The following COL11A1 variants were observed in gnomAD, a reference collection of about 807,000 sequenced individuals.
The protein encoded by COL11A1 is collagen alpha-1(XI) chain.
COL11A1 carries 74 observed loss-of-function variants against 265.2 expected under a neutral mutation model. That is an observed-to-expected ratio of 0.28 (90% CI 0.23 to 0.34). The LOEUF (loss-of-function observed/expected upper bound fraction) is 0.34, where lower values mean the gene tolerates loss of function less well. Ranked by LOEUF, COL11A1 falls within the 10% of genes least tolerant of loss-of-function variation. The pLI is 1.00. For synonymous variants in COL11A1, 816 were observed against 727.6 expected (o/e 1.12, Z -1.96); for missense variants, 2,165 against 2,263.6 (o/e 0.96, Z 0.88).
At chr1:103,046,124 G>A (rs1185494329) in intron 4 of COL11A1, among the ~76,000 whole-genome samples, 4 of 151,262 alleles carry the variant, frequency 2.6e-5, no homozygotes, top group Non-Finnish European at 1.5e-5. Context: ...AATCCTTTAG[G>A]TATACACCCA....
At chr1:103,074,424 C>T (rs1463550789) in intron 4 of COL11A1, among the ~76,000 whole-genome samples, 194 bp downstream of exon 4, 1 of 152,090 alleles carries the variant, frequency 6.6e-6, no homozygotes, top group African/African-American at 2.4e-5. Context: ...GCGTTACGGT[C>T]ACCATTGTCT....
At chr1:103,010,791 C>A (rs1666051795) in intron 14 of COL11A1, among the ~76,000 whole-genome samples, 2 of 151,768 alleles carry the variant, frequency 1.3e-5, no homozygotes, top group African/African-American at 4.8e-5. Context: ...ACCTCCACAT[C>A]CCGGGTTCAA....
intron 54 of COL11A1, among the ~76,000 whole-genome samples, chr1:102,905,221 T>C (rs1156966354): frequency 1.1e-5 from 1 of 92,472 alleles, no homozygotes; most frequent in South Asian, 4.5e-4. Flanking sequence ...CAGGGACTGT[T>C]GTGGGGTGGG....
At chr1:103,024,607 C>A (rs71664960) in intron 7 of COL11A1, among the ~76,000 whole-genome samples, 12,035 of 152,046 alleles carry the variant, frequency 0.079, 527 homozygotes, top group Middle Eastern at 0.14. Context: ...TAGCTCTGAA[C>A]TAAAATGCTG....
At chr1:103,105,681 A>T (rs1228443445) in intron 1 of COL11A1, among the ~76,000 whole-genome samples, 1 of 152,190 alleles carries the variant, frequency 6.6e-6, no homozygotes, top group Non-Finnish European at 1.5e-5. Context: ...TTTATTTAGA[A>T]ATTGGTATAA....
rs745867484 is a variant in COL11A1 at position 102,962,641 on chromosome 1, A to G, written c.3024+12T>C. The G allele has an allele frequency of 2.5e-6, 4 of 1,613,842 alleles. No homozygotes were observed. In the South Asian group the frequency reaches 4.4e-5, roughly 18 times the overall value. On this transcript the variant is annotated intron_variant, in intron 39 of 66. Coordinates refer to ENST00000370096, the MANE Select transcript of COL11A1 (RefSeq NM_001854.4). The stretch of plus-strand genomic sequence containing the variant: ...TTTTGGGCCAAAAAAAGTTTTCTGA[A>G]GCATGTTGTACCTTTGCACCTTCTT...
intron 2 of COL11A1, 58 bp from the exon 3 acceptor site, chr1:103,078,929 C>T: frequency 8.1e-7 from 1 of 1,229,776 alleles, no homozygotes; most frequent in Non-Finnish European, 1.2e-6. Flanking sequence ...TACTTTATTC[C>T]TAGATCACTG....
intron 57 of COL11A1, among the ~76,000 whole-genome samples, chr1:102,890,849 G>T (rs907309743): frequency 3.3e-5 from 5 of 151,816 alleles, no homozygotes; most frequent in African/African-American, 1.2e-4. Context: ...ACATTTTTAT[G>T]TTACATGAAT....
At chr1:103,040,415 A>G (rs1446402885) in intron 4 of COL11A1, among the ~76,000 whole-genome samples, 1 of 151,552 alleles carries the variant, frequency 6.6e-6, no homozygotes, top group African/African-American at 2.4e-5. Context: ...GTTTCATTTT[A>G]TCAGTTTATG....
intron 4 of COL11A1, among the ~76,000 whole-genome samples, chr1:103,063,657 T>G (rs1343349783): frequency 6.6e-6 from 1 of 152,150 alleles, no homozygotes; most frequent in Non-Finnish European, 1.5e-5. Flanking sequence ...TGGTGATGAC[T>G]CTTCAGACAC....
chr1:102,998,268 A>G, intron 25 of COL11A1, 42 bp downstream of exon 25: 1 of 1,503,616 alleles, frequency 6.7e-7, no homozygotes, highest in Non-Finnish European at 9.2e-7. Flanking sequence ...ATTTTTAAAG[A>G]TAATGTAAAG....
In COL11A1 at chr1:102,996,030, G is replaced by T; in HGVS notation, c.2254C>A (p.Pro752Thr). ...CCCGGGTATCCAATAGGACCTTGTG[G>T]ACCAGGGGGACCCTGAAATAGATGA... is the stretch of plus-strand genomic sequence containing the variant. ...GEKGALGPPG[P>T]QGPIGYPGPR... Residue 752 changes from proline (P) to threonine (T), a missense_variant, in exon 27 of 67, where the codon CCA (proline) becomes ACA (threonine). Physicochemically the swap from Pro to Thr is conservative, Grantham distance 38 (BLOSUM62 -1). Coordinates refer to ENST00000370096, the MANE Select transcript of COL11A1 (RefSeq NM_001854.4). The T allele has an allele frequency of 1.9e-6, 3 of 1,613,274 alleles. No individual in the cohort carries two copies. Among genetic ancestry groups the T allele is most frequent in the Non-Finnish European group, 1.7e-6 (2 of 1,179,490 alleles).
intron 54 of COL11A1, among the ~76,000 whole-genome samples, chr1:102,907,026 G>GT (rs1654062458): frequency 1.3e-5 from 2 of 151,980 alleles, no homozygotes; most frequent in African/African-American, 4.8e-5. Context: ...GTGTTAAATG[G>GT]TTTTCAGTTT....
intron 1 of COL11A1, among the ~76,000 whole-genome samples, chr1:103,106,207 C>T (rs1674676861): frequency 6.6e-6 from 1 of 152,032 alleles, no homozygotes; most frequent in Admixed American, 6.6e-5. Context: ...CAGAAAGGCT[C>T]AATGTGGAAA....
At chr1:103,035,404 C>T (rs1018213795) in intron 4 of COL11A1, among the ~76,000 whole-genome samples, 1 of 152,024 alleles carries the variant, frequency 6.6e-6, no homozygotes, top group African/African-American at 2.4e-5. Flanking sequence ...ACAAAAATGA[C>T]TCAAAAACAC....
chr1:103,053,249 T>G (rs1669973284), intron 4 of COL11A1, among the ~76,000 whole-genome samples: 1 of 152,222 alleles, frequency 6.6e-6, no homozygotes, highest in Non-Finnish European at 1.5e-5. Flanking sequence ...TTGCCTTAAA[T>G]GCGTCATTGA....
chr1:103,034,128 G>T lies in COL11A1; in HGVS notation c.652-2884C>A, dbSNP rs76143933. ...GTCACTTCACTCTTGAAGTTTTGAA[G>T]ATTCTCTCATAGTCTTTGTTTTTTG... is the stretch of plus-strand genomic sequence containing the variant. On this transcript the variant is annotated intron_variant, in intron 4 of 66. Coordinates refer to ENST00000370096, the MANE Select transcript of COL11A1 (RefSeq NM_001854.4). Among the ~76,000 whole-genome samples, 24 of 152,194 alleles carry T rather than the reference G, an allele frequency of 1.6e-4. 1 individual carries two copies. In the East Asian group the frequency reaches 4.4e-3, roughly 28 times the overall value.
chr1:102,944,498 G>T (rs1438510319), intron 42 of COL11A1, among the ~76,000 whole-genome samples: 1 of 152,124 alleles, frequency 6.6e-6, no homozygotes, highest in African/African-American at 2.4e-5. Context: ...AACTGAAAGA[G>T]GATGGGGAAG....
intron 54 of COL11A1, among the ~76,000 whole-genome samples, chr1:102,905,051 T>A (rs1283391444): frequency 5.9e-5 from 9 of 151,578 alleles, no homozygotes; most frequent in Non-Finnish European, 1.5e-5. Flanking sequence ...CCATAAAAAA[T>A]GATGAGTTCA....
Sources: gnomAD v4.1 joint callset for allele counts (sites outside exome capture counted in the v4.1 genomes callset) on GRCh38, gnomAD v4.1.1 for gene constraint, MANE v1.5 for transcripts, NCBI Gene and HGNC (gene_info 2026-07-23, HGNC 2026-07-21) for gene names.